Variants in SMIM10L3 observed in about 807,000 individuals in gnomAD.
SMIM10L3 encodes salivary gland specific protein SAGSIN1.
the SMIM10L3 span, among the ~76,000 whole-genome samples, chr7:6,337,124 T>C: frequency 1.3e-5 from 2 of 151,204 alleles, no homozygotes; most frequent in Admixed American, 1.3e-4. Flanking sequence ...CAGGCTGGAG[T>C]GCAGTGGCGC....
chr7:6,347,554 G>T, the SMIM10L3 span, among the ~76,000 whole-genome samples: 1 of 151,830 alleles, frequency 6.6e-6, no homozygotes, highest in Non-Finnish European at 1.5e-5. Context: ...TTACAGCAAA[G>T]GCGGTCTCCA....
the SMIM10L3 span, chr7:6,330,897 C>T: frequency 6.2e-7 from 1 of 1,614,206 alleles, no homozygotes; most frequent in Non-Finnish European, 8.5e-7. Context: ...CTGATTCTCT[C>T]ACATATGGAA....
the SMIM10L3 span, among the ~76,000 whole-genome samples, chr7:6,345,999 C>G: frequency 1.3e-5 from 2 of 151,998 alleles, no homozygotes; most frequent in Non-Finnish European, 2.9e-5. Flanking sequence ...AAACTCCTGA[C>G]CTCAAGTGAT....
chr7:6,342,658 T>C, the SMIM10L3 span, among the ~76,000 whole-genome samples: 4 of 152,128 alleles, frequency 2.6e-5, no homozygotes, highest in Non-Finnish European at 4.4e-5. Context: ...TACATGCAAA[T>C]GTTCGTAGTA....
At chr7:6,336,788 G>A in the SMIM10L3 span, among the ~76,000 whole-genome samples, 1 of 151,254 alleles carries the variant, frequency 6.6e-6, no homozygotes. Flanking sequence ...CCAAGCAGCT[G>A]GAACCACAGG....
the SMIM10L3 span, among the ~76,000 whole-genome samples, chr7:6,335,183 C>T: frequency 6.6e-6 from 1 of 151,946 alleles, no homozygotes; most frequent in Non-Finnish European, 1.5e-5. Context: ...CTGCATCAGC[C>T]TCCCAAGTTG....
the SMIM10L3 span, chr7:6,330,860 T>C: frequency 3.5e-4 from 563 of 1,614,096 alleles, no homozygotes; most frequent in Non-Finnish European, 4.5e-4. Flanking sequence ...GTGCTCGGAG[T>C]GGCTGCTGAG....
chr7:6,338,393 T>C, the SMIM10L3 span, among the ~76,000 whole-genome samples: 1 of 152,158 alleles, frequency 6.6e-6, no homozygotes, highest in South Asian at 2.1e-4. Context: ...GTGTAAATGA[T>C]GGTATTACAA....
At chr7:6,338,853 C>T in the SMIM10L3 span, among the ~76,000 whole-genome samples, 2 of 152,176 alleles carry the variant, frequency 1.3e-5, no homozygotes, top group Non-Finnish European at 2.9e-5. Context: ...AGGCTAGTCC[C>T]AAAGGGGAGA....
the SMIM10L3 span, among the ~76,000 whole-genome samples, chr7:6,340,763 G>GT: frequency 6.6e-6 from 1 of 151,600 alleles, no homozygotes; most frequent in South Asian, 2.1e-4. Context: ...GCCGGGCGTG[G>GT]TGGTGGGCAC....
the SMIM10L3 span, among the ~76,000 whole-genome samples, chr7:6,333,168 C>CA: frequency 3.5e-3 from 450 of 127,940 alleles, 3 homozygotes; most frequent in Non-Finnish European, 4.8e-3. Flanking sequence ...ATAAAAAAAT[C>CA]AAAAAAAAAA....
At chr7:6,340,999 C>T in the SMIM10L3 span, among the ~76,000 whole-genome samples, 4 of 141,746 alleles carry the variant, frequency 2.8e-5, no homozygotes, top group South Asian at 8.8e-4. Flanking sequence ...AAAAAATTAG[C>T]CAGGTGTGGT....
At chr7:6,331,491 G>C in the SMIM10L3 span, among the ~76,000 whole-genome samples, 1 of 151,626 alleles carries the variant, frequency 6.6e-6, no homozygotes, top group African/African-American at 2.4e-5. Flanking sequence ...TTTTGAGACA[G>C]AGTCTTGCTC....
the SMIM10L3 span, among the ~76,000 whole-genome samples, chr7:6,343,767 G>A: frequency 6.6e-6 from 1 of 152,014 alleles, no homozygotes; most frequent in Non-Finnish European, 1.5e-5. Flanking sequence ...TCCTTAAAAT[G>A]CCTCACTGCC....
chr7:6,348,886 C>G, the SMIM10L3 span: 1 of 387,802 alleles, frequency 2.6e-6, no homozygotes, highest in Non-Finnish European at 4.6e-6. Flanking sequence ...GCGGGCGGGC[C>G]GCAGTGGAGC....
chr7:6,331,027 G>A, the SMIM10L3 span: 1 of 1,614,080 alleles, frequency 6.2e-7, no homozygotes, highest in Non-Finnish European at 8.5e-7. Context: ...CCAGGAGGGT[G>A]CATCTGCAGG....
the SMIM10L3 span, chr7:6,329,991 A>C: frequency 4.5e-6 from 1 of 220,692 alleles, no homozygotes; most frequent in Non-Finnish European, 9.7e-6. Flanking sequence ...AGACTTTACA[A>C]GTATCCACTT....
At chr7:6,339,361 AG>A in the SMIM10L3 span, among the ~76,000 whole-genome samples, 1 of 151,996 alleles carries the variant, frequency 6.6e-6, no homozygotes, top group Admixed American at 6.6e-5. Context: ...CCAGCTACTC[AG>A]GAGGTCGAGG....
At chr7:6,344,994 G>C in the SMIM10L3 span, among the ~76,000 whole-genome samples, 1 of 152,118 alleles carries the variant, frequency 6.6e-6, no homozygotes, top group East Asian at 1.9e-4. Context: ...GCCTGCCTCA[G>C]CCTCTCAAAG....
Sources: gnomAD v4.1 joint callset for allele counts (sites outside exome capture counted in the v4.1 genomes callset) on GRCh38, gnomAD v4.1.1 for gene constraint, MANE v1.5 for transcripts, NCBI Gene and HGNC (gene_info 2026-07-23, HGNC 2026-07-21) for gene names.